Variants in GPR149 observed in about 807,000 individuals in gnomAD.
GPR149 encodes the protein probable G protein-coupled receptor 149.
A neutral mutation model predicts 50.2 loss-of-function variants in GPR149; 50 were observed. The observed-to-expected ratio is 1.00, with a 90% CI of 0.79 to 1.26. The LOEUF is 1.26. GPR149 is among the 50% of genes most tolerant of loss of function. The probability of loss-of-function intolerance (pLI) is 0.00; values close to 1 mark genes in which losing one functional copy is unlikely to be tolerated. For synonymous variants in GPR149, 405 were observed against 358.2 expected (o/e 1.13, Z -1.48); for missense variants, 983 against 895.4 (o/e 1.10, Z -1.25).
chr3:154,395,916 T>C (rs1416736037), intron 3 of GPR149, among the ~76,000 whole-genome samples: 1 of 152,208 alleles, frequency 6.6e-6, no homozygotes, highest in Non-Finnish European at 1.5e-5. Context: ...ATTCAATATT[T>C]TTCCTGATTC....
rs148630430 is a variant in GPR149 at position 154,338,488 on chromosome 3, C to A, written c.1624-217G>T. Among the ~76,000 whole-genome samples, 1,076 of 152,140 alleles carry A rather than the reference C, an allele frequency of 7.1e-3. 10 individuals carry two copies. The highest frequency in any genetic ancestry group is 0.025 in the African/African-American group (1,039 of 41,486). On this transcript the variant is annotated intron_variant, in intron 3 of 3. Transcript: ENST00000389740. ...GACATTTAATGAGGGTAGTTAGGAACCTTTATTTGAAGATGAGGGGCATAT... is the reference window on the plus strand; with the variant it reads ...GACATTTAATGAGGGTAGTTAGGAAACTTTATTTGAAGATGAGGGGCATAT...
At chr3:154,412,495 A>G (rs917374442) in intron 3 of GPR149, among the ~76,000 whole-genome samples, 2 of 152,140 alleles carry the variant, frequency 1.3e-5, no homozygotes, top group South Asian at 2.1e-4. Context: ...GATACAAATT[A>G]ATGTTCACAA....
chr3:154,396,182 A>G (rs1715290534), intron 3 of GPR149, among the ~76,000 whole-genome samples: 1 of 152,180 alleles, frequency 6.6e-6, no homozygotes. Flanking sequence ...TGTGGGATCA[A>G]CTAACAATTC....
chr3:154,400,268 G>A (rs1227446873), intron 3 of GPR149, among the ~76,000 whole-genome samples: 1 of 151,924 alleles, frequency 6.6e-6, no homozygotes, highest in Non-Finnish European at 1.5e-5. Flanking sequence ...TTACAGGGGT[G>A]AGCCACCGCG....
intron 3 of GPR149, among the ~76,000 whole-genome samples, chr3:154,402,827 A>C (rs1191346302): frequency 6.6e-6 from 1 of 152,246 alleles, no homozygotes; most frequent in African/African-American, 2.4e-5. Context: ...CAGGAGGCTT[A>C]TATCTTTATA....
rs182054189 is a variant in GPR149 at position 154,383,789 on chromosome 3, G to T, written c.1623+37250C>A. 1.2e-4 allele frequency among the ~76,000 whole-genome samples: 18 copies of T among 152,106 alleles called. No individual in the cohort carries two copies. The East Asian group carries it at 3.5e-3, about 30-fold the overall frequency. ...GGTATTGGGGGACATTTTAAGAGAT[G>T]ATTAGGTCATGAGGGTAGAGCCCTC... On this transcript the variant is annotated intron_variant, in intron 3 of 3. Transcript: ENST00000389740.
rs774432061 is a variant in GPR149, at chr3:154,338,118, G to T, written c.1777C>A (p.Arg593=). The T allele has an allele frequency of 1.9e-6, 3 of 1,614,110 alleles. No individual in the cohort carries two copies. The South Asian group carries it at 3.3e-5, about 18-fold the overall frequency. The change falls in exon 4 of 4, where the codon CGA becomes AGA. Residue 593 remains arginine, a synonymous_variant. Transcript: ENST00000389740. The part of the protein sequence containing the change: ...TPASKKIEVY[R]SKSVGHEPNS... ...GGTTCATGGCCAACACTTTTGGATC[G>T]ATAGACTTCTATTTTCTTAGAGGCT...
chr3:154,356,559 C>T (rs1293730823), intron 3 of GPR149, among the ~76,000 whole-genome samples: 1 of 152,190 alleles, frequency 6.6e-6, no homozygotes, highest in African/African-American at 2.4e-5. Flanking sequence ...AGAGCCAAAT[C>T]ATGAGTGAAC....
At chr3:154,363,182 C>T (rs1487492133) in intron 3 of GPR149, among the ~76,000 whole-genome samples, 3 of 152,010 alleles carry the variant, frequency 2.0e-5, no homozygotes, top group Non-Finnish European at 2.9e-5. Flanking sequence ...GTCCTTAAGG[C>T]GAAAGGAACT....
At position 154,337,820 on chromosome 3, in the gene GPR149, G is replaced by C; in HGVS notation, c.2075C>G (p.Thr692Arg). ...DGDINISIPD[T>R]VEAHRQNSKR... Reference sequence around the variant, plus strand: ...ACTGTTCTGCCTGTGTGCTTCTACTGTGTCTGGAATGGAGATATTAATATC... The same window carrying C: ...ACTGTTCTGCCTGTGTGCTTCTACTCTGTCTGGAATGGAGATATTAATATC... The change falls in exon 4 of 4, where the codon ACA becomes AGA. Residue 692 changes from threonine (T) to arginine (R), a missense_variant. Physicochemically the swap from Thr to Arg is moderately conservative, Grantham distance 71. Transcript: ENST00000389740. The C allele has an allele frequency of 6.2e-7, 1 of 1,614,096 alleles. No homozygotes were observed. The highest frequency in any genetic ancestry group is 8.5e-7 in the Non-Finnish European group (1 of 1,179,974).
intron 3 of GPR149, among the ~76,000 whole-genome samples, chr3:154,346,702 T>C (rs1480557465): frequency 6.6e-6 from 1 of 152,048 alleles, no homozygotes; most frequent in Non-Finnish European, 1.5e-5. Context: ...TTCAAGTGAT[T>C]CTCATGCCTC....
At chr3:154,338,630 G>T (rs531270716) in intron 3 of GPR149, among the ~76,000 whole-genome samples, 39 of 152,276 alleles carry the variant, frequency 2.6e-4, no homozygotes, top group Middle Eastern at 6.8e-3. Flanking sequence ...TTATATTTTT[G>T]TTACATACTC....
rs1713664427 is a variant in GPR149 at position 154,336,765 on chromosome 3, C to T, written c.*934G>A. On this transcript the variant is annotated 3_prime_UTR_variant, in exon 4 of 4. Transcript: ENST00000389740. Reference sequence around the variant, plus strand: ...TTCAAGAATGACTAAGAAAGGTTGCCCAATCCTCAGCTTTAAAAACAGATA... The same window carrying T: ...TTCAAGAATGACTAAGAAAGGTTGCTCAATCCTCAGCTTTAAAAACAGATA... 1 of 152,042 alleles carries T rather than the reference C, an allele frequency of 6.6e-6. No homozygotes were observed. Among genetic ancestry groups the T allele is most frequent in the Non-Finnish European group, 1.5e-5 (1 of 67,958 alleles). The allele number at this position is 152,042 out of a possible 1,614,324, so 9.4% of individuals were successfully genotyped here. A position where few individuals can be genotyped will look rare whatever the true frequency, so the allele number is the denominator to read the frequency against.
Position 154,429,058 on chromosome 3 carries a change from G to A in GPR149, c.558C>T (p.Cys186=), listed in dbSNP as rs756795873. 13 of 1,613,964 alleles carry A rather than the reference G, an allele frequency of 8.1e-6. No individual in the cohort carries two copies. Among genetic ancestry groups the A allele is most frequent in the Non-Finnish European group, 1.1e-5 (13 of 1,180,010 alleles). Residue 186 remains cysteine (C), a synonymous_variant, in exon 1 of 4, where the codon TGC becomes TGT. Coordinates refer to ENST00000389740, the MANE Select transcript of GPR149 (RefSeq NM_001038705.3). ...VRTPWGCLVD[C]SSSYVLFLSI... ...AGAGGAATAGTACGTAGGAGCTGGA[G>A]CAGTCCACCAGGCAGCCCCAGGGCG...
chr3:154,353,699 T>G (rs1160703583), intron 3 of GPR149: 2 of 1,218,382 alleles, frequency 1.6e-6, no homozygotes, highest in Non-Finnish European at 2.4e-6. Context: ...CAAGTACCTT[T>G]GTTGAGCAGC....
Position 154,337,882 on chromosome 3 carries a change from T to C in GPR149, c.2013A>G (p.Ser671=). The change falls in exon 4 of 4, where the codon TCA becomes TCG. Residue 671 remains serine (S), a synonymous_variant. Transcript: ENST00000389740. ...FVSCDLGETA[S]YSLFLPTSNP... ...TACTGGTGGGCAAAAAGAGGGAGTA[T>C]GAGGCTGTTTCCCCTAGGTCACATG... 6.2e-7 allele frequency: 1 copy of C among 1,613,518 alleles called. No homozygotes were observed. Among genetic ancestry groups the C allele is most frequent in the Non-Finnish European group, 8.5e-7 (1 of 1,179,700 alleles).
At chr3:154,358,260 T>A (rs1487545965) in intron 3 of GPR149, among the ~76,000 whole-genome samples, 5 of 151,992 alleles carry the variant, frequency 3.3e-5, no homozygotes, top group Non-Finnish European at 7.4e-5. Flanking sequence ...CTGCGCATTG[T>A]GCACATGTAC....
intron 3 of GPR149, among the ~76,000 whole-genome samples, chr3:154,359,848 GA>G (rs1397064743): frequency 2.0e-5 from 3 of 151,930 alleles, no homozygotes; most frequent in Non-Finnish European, 4.4e-5. Flanking sequence ...AAATAATGAA[GA>G]AAAATATGAT....
chr3:154,358,914 A>T (rs2108393973), intron 3 of GPR149, among the ~76,000 whole-genome samples: 1 of 152,180 alleles, frequency 6.6e-6, no homozygotes, highest in East Asian at 1.9e-4. Flanking sequence ...TGGTGATAGA[A>T]ATAATACATT....
Sources: allele counts gnomAD v4.1 joint callset (sites outside exome capture counted in the v4.1 genomes callset), GRCh38; gene constraint gnomAD v4.1.1; transcripts MANE v1.5; gene names NCBI Gene and HGNC (gene_info 2026-07-23, HGNC 2026-07-21).